BTG4: variants seen among roughly 807,000 people sequenced by gnomAD.
BTG4 encodes the protein protein BTG4.
BTG4 carries 10 observed loss-of-function variants against 19.3 expected under a neutral mutation model. The observed-to-expected ratio is 0.52, with a 90% CI of 0.32 to 0.88. BTG4 has a LOEUF of 0.88. Among genes scored for constraint, BTG4 ranks in the 40% least tolerant of loss-of-function variants. The pLI, the probability that BTG4 is intolerant of heterozygous loss-of-function variation, is 0.04. For missense variants in BTG4, 238 were observed against 281.9 expected (o/e 0.84, Z 1.11); for synonymous variants, 91 against 95.7 (o/e 0.95, Z 0.29).
chr11:111,454,333 C>T, the BTG4 span: 1 of 455,794 alleles, frequency 2.2e-6, no homozygotes, highest in South Asian at 1.6e-5. Context: ...CAGTGACAGC[C>T]AAACTCAGCC....
the BTG4 span, among the ~76,000 whole-genome samples, chr11:111,403,170 G>A: frequency 6.6e-6 from 1 of 152,288 alleles, no homozygotes; most frequent in Non-Finnish European, 1.5e-5. Context: ...GACAGAGCAT[G>A]GGTGATTTCT....
chr11:111,496,898 A>T, intron 4 of BTG4: 1 of 350,518 alleles, frequency 2.9e-6, no homozygotes, highest in Non-Finnish European at 5.1e-6. Context: ...GACAGAAAAA[A>T]AAATCCCACT....
the BTG4 span, among the ~76,000 whole-genome samples, chr11:111,394,514 G>A: frequency 6.6e-6 from 1 of 152,140 alleles, no homozygotes; most frequent in African/African-American, 2.4e-5. Context: ...TGCCATGATT[G>A]TGAGACCCCC....
chr11:111,510,293 A>G (rs1283195247), intron 1 of BTG4, among the ~76,000 whole-genome samples: 1 of 152,184 alleles, frequency 6.6e-6, no homozygotes, highest in African/African-American at 2.4e-5. Context: ...TAAATGTGCC[A>G]AAGCTAAAGC....
downstream of BTG4, among the ~76,000 whole-genome samples, chr11:111,492,820 G>A (rs962715252): frequency 1.3e-5 from 2 of 152,042 alleles, no homozygotes; most frequent in Non-Finnish European, 2.9e-5. Context: ...AGATCAAGAG[G>A]GAAGGGAGAA....
At chr11:111,507,265 A>C (rs1012162903) in intron 1 of BTG4, among the ~76,000 whole-genome samples, 3 of 152,204 alleles carry the variant, frequency 2.0e-5, no homozygotes, top group Admixed American at 2.0e-4. Context: ...GCTCTTAAGA[A>C]GGGGAAAGTT....
chr11:111,433,796 A>G, the BTG4 span, among the ~76,000 whole-genome samples: 5 of 152,252 alleles, frequency 3.3e-5, no homozygotes, highest in Non-Finnish European at 5.9e-5. Context: ...CAGGCATATG[A>G]AAAAAATGCT....
chr11:111,474,020 T>C (rs1172782481), intron 5 of BTG4, among the ~76,000 whole-genome samples: 1 of 152,128 alleles, frequency 6.6e-6, no homozygotes, highest in Admixed American at 6.6e-5. Flanking sequence ...TGGAAAATAT[T>C]AGCAAAGAGA....
the BTG4 span, chr11:111,385,228 G>A: frequency 6.6e-6 from 1 of 151,942 alleles, no homozygotes; most frequent in Admixed American, 6.6e-5. Flanking sequence ...TAACTTTTGA[G>A]CATTCTGAGA....
chr11:111,428,052 G>A, the BTG4 span, among the ~76,000 whole-genome samples: 1 of 152,166 alleles, frequency 6.6e-6, no homozygotes, highest in Non-Finnish European at 1.5e-5. Flanking sequence ...GTTATAGGGA[G>A]GAGGATTTGA....
chr11:111,496,379 T>C (rs764861257), intron 4 of BTG4: 4 of 152,158 alleles, frequency 2.6e-5, no homozygotes, highest in Non-Finnish European at 5.9e-5. Context: ...AGTTCTGTGC[T>C]TGAGAATCAA....
intron 1 of BTG4, among the ~76,000 whole-genome samples, chr11:111,508,378 T>TC (rs398045587): frequency 2.6e-5 from 4 of 151,788 alleles, no homozygotes; most frequent in South Asian, 2.1e-4. Flanking sequence ...TTTTTTTTTT[T>TC]GGTGAACTTC....
chr11:111,426,498 A>G, the BTG4 span, among the ~76,000 whole-genome samples: 3 of 152,158 alleles, frequency 2.0e-5, no homozygotes, highest in Non-Finnish European at 4.4e-5. Flanking sequence ...AGGGGTTTGC[A>G]TTGTAGCGGT....
the BTG4 span, among the ~76,000 whole-genome samples, chr11:111,401,684 T>A: frequency 1.3e-5 from 2 of 152,240 alleles, no homozygotes; most frequent in Non-Finnish European, 2.9e-5. Context: ...ACTCTTTGGA[T>A]GTAAGATTTA....
At chr11:111,512,821 G>C (rs1404968261), upstream of BTG4, 1 of 332,304 alleles carries the variant, frequency 3.0e-6, no homozygotes, top group East Asian at 1.6e-4. Context: ...GGGTGTCCTC[G>C]GGGGCCGCTT....
At chr11:111,499,596 A>G (rs1412326385) in intron 1 of BTG4, among the ~76,000 whole-genome samples, 5 of 152,224 alleles carry the variant, frequency 3.3e-5, no homozygotes, top group African/African-American at 7.2e-5. Context: ...TTCTCCTTCC[A>G]TATCCTAATA....
downstream of BTG4, among the ~76,000 whole-genome samples, chr11:111,490,543 T>A (rs911552984): frequency 1.3e-5 from 2 of 152,174 alleles, no homozygotes; most frequent in African/African-American, 2.4e-5. Flanking sequence ...GTCTAGAATA[T>A]ATCAAATATT....
At chr11:111,490,394 C>T (rs1314773668), downstream of BTG4, among the ~76,000 whole-genome samples, 1 of 152,058 alleles carries the variant, frequency 6.6e-6, no homozygotes, top group Non-Finnish European at 1.5e-5. Flanking sequence ...ACAACATGTG[C>T]CTCTATCAAA....
the BTG4 span, among the ~76,000 whole-genome samples, chr11:111,399,849 G>A: frequency 6.6e-6 from 1 of 152,220 alleles, no homozygotes; most frequent in Admixed American, 6.5e-5. Flanking sequence ...GGAAGTGACT[G>A]AAGACTGAGA....
Sources: gnomAD v4.1 joint callset for allele counts (sites outside exome capture counted in the v4.1 genomes callset) on GRCh38, gnomAD v4.1.1 for gene constraint, MANE v1.5 for transcripts, NCBI Gene and HGNC (gene_info 2026-07-23, HGNC 2026-07-21) for gene names.